TMEM117: variants seen among roughly 807,000 people sequenced by gnomAD.
The protein encoded by TMEM117 is transmembrane protein 117.
In TMEM117, 27 loss-of-function variants were observed where a neutral mutation model predicts 52.4. That is an observed-to-expected ratio of 0.51 (90% CI 0.38 to 0.71). The LOEUF (loss-of-function observed/expected upper bound fraction) is 0.71, where lower values mean the gene tolerates loss of function less well. TMEM117 is among the 30% of genes least tolerant of loss of function. TMEM117 has a pLI of 0.00. For missense variants in TMEM117, 556 were observed against 630.5 expected, an observed-to-expected ratio of 0.88 and a Z score of 1.26; for synonymous variants, 215 against 206.3, an observed-to-expected ratio of 1.04 and a Z score of -0.36.
chr12:43,898,379 AT>A, intron 2 of TMEM117, among the ~76,000 whole-genome samples: 2 of 140,510 alleles, frequency 1.4e-5, no homozygotes, highest in East Asian at 3.9e-4. Flanking sequence ...AATAATATAT[AT>A]TAATTAATAA....
chr12:43,917,970 A>G (rs1944632925), intron 2 of TMEM117, among the ~76,000 whole-genome samples: 1 of 152,110 alleles, frequency 6.6e-6, no homozygotes, highest in South Asian at 2.1e-4. Flanking sequence ...AGTCATCTTT[A>G]CTAGTTTGTT....
intron 5 of TMEM117, chr12:44,248,947 C>T (rs1950164083): frequency 1.3e-5 from 2 of 152,430 alleles, no homozygotes; most frequent in African/African-American, 4.8e-5. Context: ...GCCAGCATGT[C>T]CTTCTGCTCA....
chr12:43,893,535 T>C (rs1944145568), intron 2 of TMEM117, among the ~76,000 whole-genome samples: 1 of 152,216 alleles, frequency 6.6e-6, no homozygotes, highest in Non-Finnish European at 1.5e-5. Context: ...AACCTAAATC[T>C]CTGTCCATTA....
At chr12:44,240,240 A>G (rs1402656638) in intron 5 of TMEM117, among the ~76,000 whole-genome samples, 1 of 152,182 alleles carries the variant, frequency 6.6e-6, no homozygotes, top group Non-Finnish European at 1.5e-5. Flanking sequence ...TTTATGGGTC[A>G]CAGTAGATGC....
At chr12:44,071,206 C>A (rs1947296521) in intron 3 of TMEM117, among the ~76,000 whole-genome samples, 1 of 152,150 alleles carries the variant, frequency 6.6e-6, no homozygotes, top group African/African-American at 2.4e-5. Flanking sequence ...GGGAGCAGAA[C>A]AGCCGCGCTC....
intron 4 of TMEM117, among the ~76,000 whole-genome samples, chr12:44,156,478 A>G (rs1035150025): frequency 1.3e-5 from 2 of 152,036 alleles, no homozygotes; most frequent in Non-Finnish European, 2.9e-5. Flanking sequence ...GGGAAGTTTC[A>G]AAGACTACTG....
chr12:44,073,988 G>A (rs1324604514), intron 3 of TMEM117, among the ~76,000 whole-genome samples: 1 of 152,178 alleles, frequency 6.6e-6, no homozygotes, highest in Non-Finnish European at 1.5e-5. Context: ...CAAAACTAGT[G>A]ATAGTGATTG....
chr12:44,308,619 CTTTTTTTTT>C (rs35047531), intron 6 of TMEM117, among the ~76,000 whole-genome samples: 2 of 137,962 alleles, frequency 1.4e-5, no homozygotes, highest in African/African-American at 5.5e-5. Context: ...TTCTTTGTAA[CTTTTTTTTT>C]TTTTTTTTTG....
intron 5 of TMEM117, among the ~76,000 whole-genome samples, chr12:44,224,558 CCTT>C (rs1293311675): frequency 2.0e-5 from 3 of 151,872 alleles, no homozygotes; most frequent in Admixed American, 1.3e-4. Flanking sequence ...TCCTCCTCCT[CCTT>C]CATGTTAATA....
chr12:44,179,355 G>C (rs1949158866), intron 4 of TMEM117, among the ~76,000 whole-genome samples: 1 of 152,200 alleles, frequency 6.6e-6, no homozygotes, highest in South Asian at 2.1e-4. Flanking sequence ...CTCAGTCCAA[G>C]TCCAAAAGCC....
At chr12:44,019,013 C>T (rs1027991041) in intron 3 of TMEM117, among the ~76,000 whole-genome samples, 2 of 152,176 alleles carry the variant, frequency 1.3e-5, no homozygotes, top group African/African-American at 4.8e-5. Flanking sequence ...ATTAACTCTA[C>T]TCTTGTAGCT....
intron 4 of TMEM117, among the ~76,000 whole-genome samples, chr12:44,198,593 A>T (rs919114537): frequency 6.6e-6 from 1 of 152,154 alleles, no homozygotes; most frequent in Non-Finnish European, 1.5e-5. Flanking sequence ...GTGATGTCTG[A>T]CTTACCCCAA....
chr12:44,152,102 T>A (rs1948739852), intron 4 of TMEM117, among the ~76,000 whole-genome samples: 1 of 112,806 alleles, frequency 8.9e-6, no homozygotes, highest in Non-Finnish European at 1.6e-5. Flanking sequence ...CATAAATATA[T>A]AATATATAAT....
intron 6 of TMEM117, among the ~76,000 whole-genome samples, chr12:44,318,698 A>G (rs1347081627): frequency 1.3e-5 from 2 of 152,050 alleles, no homozygotes; most frequent in African/African-American, 4.8e-5. Flanking sequence ...ATCCCAGTCT[A>G]TGCACAGGAA....
intron 3 of TMEM117, among the ~76,000 whole-genome samples, chr12:44,040,590 A>G (rs2137894790): frequency 6.6e-6 from 1 of 152,194 alleles, no homozygotes; most frequent in East Asian, 1.9e-4. Flanking sequence ...GAAAAATGAC[A>G]GTTTTGTTTC....
chr12:44,197,120 C>G (rs1949431123), intron 4 of TMEM117, among the ~76,000 whole-genome samples: 1 of 152,128 alleles, frequency 6.6e-6, no homozygotes, highest in Non-Finnish European at 1.5e-5. Flanking sequence ...TTAGGGATAG[C>G]ATGTAGTAGG....
At chr12:44,369,673 TAAC>T (rs1317610088) in intron 6 of TMEM117, among the ~76,000 whole-genome samples, 1 of 152,232 alleles carries the variant, frequency 6.6e-6, no homozygotes, top group Non-Finnish European at 1.5e-5. Context: ...GTGAAGTTTT[TAAC>T]AACATTTCAA....
intron 3 of TMEM117, among the ~76,000 whole-genome samples, chr12:44,107,904 C>G (rs550498489): frequency 1.2e-3 from 186 of 152,250 alleles, no homozygotes; most frequent in African/African-American, 4.2e-3. Context: ...TTGCTCATGT[C>G]CTGCACTGAA....
chr12:44,353,391 T>G (rs944641171), intron 6 of TMEM117, among the ~76,000 whole-genome samples: 3 of 152,206 alleles, frequency 2.0e-5, no homozygotes, highest in Non-Finnish European at 4.4e-5. Context: ...TCCTGAATGG[T>G]ATTGCCTAGG....
Sources: gnomAD v4.1 joint callset for allele counts (sites outside exome capture counted in the v4.1 genomes callset) on GRCh38, gnomAD v4.1.1 for gene constraint, MANE v1.5 for transcripts, NCBI Gene and HGNC (gene_info 2026-07-23, HGNC 2026-07-21) for gene names.